IMMP2L: variants seen among roughly 807,000 people sequenced by gnomAD.
The protein encoded by IMMP2L is mitochondrial inner membrane protease subunit 2.
A neutral mutation model predicts 19.3 loss-of-function variants in IMMP2L; 18 were observed. The ratio of observed to expected loss-of-function variants is 0.93; its 90% CI spans 0.64 to 1.38. The LOEUF (loss-of-function observed/expected upper bound fraction) is 1.38, where lower values mean the gene tolerates loss of function less well. Ranked by LOEUF, IMMP2L falls within the 40% of genes most tolerant of loss-of-function variation. IMMP2L has a pLI of 0.00. For missense variants in IMMP2L, 233 were observed against 218.2 expected, an observed-to-expected ratio of 1.07 and a Z score of -0.43; for synonymous variants, 76 against 73.0, an observed-to-expected ratio of 1.04 and a Z score of -0.21.
chr7:111,026,409 A>C (rs1262353199), intron 3 of IMMP2L, among the ~76,000 whole-genome samples: 1 of 152,208 alleles, frequency 6.6e-6, no homozygotes, highest in African/African-American at 2.4e-5. Flanking sequence ...CCCTTATTGT[A>C]GAGGAGAGTG....
chr7:111,021,814 C>T (rs1826308174), intron 3 of IMMP2L, among the ~76,000 whole-genome samples: 1 of 152,088 alleles, frequency 6.6e-6, no homozygotes, highest in African/African-American at 2.4e-5. Context: ...ATCCAGAAGG[C>T]AGAGGTTGCA....
chr7:111,259,164 C>A (rs1817040099), intron 3 of IMMP2L, among the ~76,000 whole-genome samples: 1 of 151,980 alleles, frequency 6.6e-6, no homozygotes, highest in Admixed American at 6.6e-5. Flanking sequence ...TAAAATGGTA[C>A]CCTGTATAAA....
intron 3 of IMMP2L, among the ~76,000 whole-genome samples, chr7:111,237,672 G>T (rs190216851): frequency 6.6e-6 from 1 of 151,404 alleles, no homozygotes; most frequent in African/African-American, 2.4e-5. Context: ...CCTTATAAAT[G>T]TATATAATCT....
chr7:111,212,567 C>T (rs1311072116), intron 3 of IMMP2L, among the ~76,000 whole-genome samples: 1 of 151,902 alleles, frequency 6.6e-6, no homozygotes, highest in African/African-American at 2.4e-5. Flanking sequence ...GCTGAGATCA[C>T]ACCACTGCAC....
rs558818291 is a variant in IMMP2L, at chr7:111,420,037, A to G, written c.239+67201T>C. On this transcript the variant is annotated intron_variant, in intron 3 of 5. Coordinates refer to ENST00000405709, the MANE Select transcript of IMMP2L (RefSeq NM_032549.4). Reference sequence around the variant, plus strand: ...TGCACCTGCACCACAATAAGAATGTATTTAATGTCATTGAACTGTACACTT... The same window carrying G: ...TGCACCTGCACCACAATAAGAATGTGTTTAATGTCATTGAACTGTACACTT... Among the ~76,000 whole-genome samples, 13 of 151,978 alleles carry G rather than the reference A, an allele frequency of 8.6e-5. 1 individual carries two copies. Among genetic ancestry groups the G allele is most frequent in the African/African-American group, 3.2e-4 (13 of 41,262 alleles).
chr7:111,051,524 C>G (rs1275276642), intron 3 of IMMP2L, among the ~76,000 whole-genome samples: 1 of 152,148 alleles, frequency 6.6e-6, no homozygotes, highest in Non-Finnish European at 1.5e-5. Flanking sequence ...TCTTTATAAA[C>G]AGAAGGCTGC....
intron 5 of IMMP2L, among the ~76,000 whole-genome samples, chr7:110,666,767 A>G (rs1024347298): frequency 1.3e-5 from 2 of 152,178 alleles, no homozygotes; most frequent in Non-Finnish European, 2.9e-5. Context: ...ACATTTATTC[A>G]TTTATACTTT....
intron 3 of IMMP2L, among the ~76,000 whole-genome samples, chr7:110,986,246 C>T (rs1821839594): frequency 6.6e-6 from 1 of 152,130 alleles, no homozygotes; most frequent in African/African-American, 2.4e-5. Context: ...TTCCTGGTTA[C>T]ACTTGGTTAG....
chr7:111,370,540 A>T (rs918000394), intron 3 of IMMP2L, among the ~76,000 whole-genome samples: 2 of 152,030 alleles, frequency 1.3e-5, no homozygotes, highest in African/African-American at 4.8e-5. Context: ...TTCCCTGTGC[A>T]GTTGACATAG....
intron 5 of IMMP2L, among the ~76,000 whole-genome samples, chr7:110,755,928 A>G (rs773864494): frequency 2.6e-5 from 4 of 152,124 alleles, no homozygotes; most frequent in Non-Finnish European, 5.9e-5. Context: ...GAAGTATTCT[A>G]TATTGCCATT....
rs1814288932 is a variant in IMMP2L, at chr7:110,921,587, T to G, written c.306-34892A>C. Among the ~76,000 whole-genome samples, 3 of 152,310 alleles carry G rather than the reference T, an allele frequency of 2.0e-5. No individual in the cohort carries two copies. In the South Asian group the frequency reaches 6.2e-4, roughly 32 times the overall value. ...TGTAAAGTGCACATAAGAATTCTAGTAAACCAGGCCAAGGAGAGAAATGCC... is the reference window on the plus strand; with the variant it reads ...TGTAAAGTGCACATAAGAATTCTAGGAAACCAGGCCAAGGAGAGAAATGCC... On this transcript the variant is annotated intron_variant, in intron 4 of 5. Coordinates refer to ENST00000405709, the MANE Select transcript of IMMP2L (RefSeq NM_032549.4).
chr7:111,546,217 C>T (rs1563340585), intron 1 of IMMP2L, among the ~76,000 whole-genome samples: 1 of 151,952 alleles, frequency 6.6e-6, no homozygotes, highest in East Asian at 1.9e-4. Flanking sequence ...TAGTAGAAAA[C>T]TTAAATGCTA....
chr7:111,251,763 G>T (rs1816155066), intron 3 of IMMP2L, among the ~76,000 whole-genome samples: 1 of 152,020 alleles, frequency 6.6e-6, no homozygotes, highest in Admixed American at 6.6e-5. Context: ...GGGAGGGAGA[G>T]TATCAGAAGA....
intron 4 of IMMP2L, among the ~76,000 whole-genome samples, chr7:110,890,072 C>A (rs1484065800): frequency 1.3e-5 from 2 of 152,178 alleles, no homozygotes; most frequent in Non-Finnish European, 2.9e-5. Context: ...TATCTATTAG[C>A]ATCAGTTTTT....
chr7:111,233,946 T>C (rs1440471682), intron 3 of IMMP2L, among the ~76,000 whole-genome samples: 1 of 152,102 alleles, frequency 6.6e-6, no homozygotes, highest in East Asian at 1.9e-4. Flanking sequence ...ATGTTTATTC[T>C]GTAGCTAAAA....
intron 5 of IMMP2L, among the ~76,000 whole-genome samples, chr7:110,679,593 G>A (rs776082408): frequency 6.6e-6 from 1 of 152,010 alleles, no homozygotes; most frequent in Non-Finnish European, 1.5e-5. Flanking sequence ...TTGGTTAAGA[G>A]AGGATTTGGG....
chr7:111,086,943 A>T (rs748907621), intron 3 of IMMP2L, among the ~76,000 whole-genome samples: 1 of 152,216 alleles, frequency 6.6e-6, no homozygotes, highest in Non-Finnish European at 1.5e-5. Context: ...CTTGTTGCTG[A>T]CTATATTGCA....
intron 3 of IMMP2L, among the ~76,000 whole-genome samples, chr7:111,283,068 T>G (rs916213666): frequency 6.6e-6 from 1 of 152,098 alleles, no homozygotes; most frequent in Non-Finnish European, 1.5e-5. Context: ...CAGATCATAT[T>G]CTAGGCCATA....
chr7:111,075,125 T>A (rs1432805715), intron 3 of IMMP2L, among the ~76,000 whole-genome samples: 2 of 16,052 alleles, frequency 1.2e-4, no homozygotes, highest in African/African-American at 1.8e-4. Context: ...ACTTTTTTTT[T>A]TTTTTTTTTT....
Sources: allele counts gnomAD v4.1 joint callset (sites outside exome capture counted in the v4.1 genomes callset), GRCh38; gene constraint gnomAD v4.1.1; transcripts MANE v1.5; gene names NCBI Gene and HGNC (gene_info 2026-07-23, HGNC 2026-07-21).